The following ADAM9 variants were observed in gnomAD, a reference collection of about 807,000 sequenced individuals.
ADAM9 encodes ADAM metallopeptidase domain 9, also known as disintegrin and metalloproteinase domain-containing protein 9.
In ADAM9, 54 loss-of-function variants were observed where a neutral mutation model predicts 108.1. That is an observed-to-expected ratio of 0.50 (90% CI 0.40 to 0.63). ADAM9 has a LOEUF of 0.63. ADAM9 is among the 20% of genes least tolerant of loss of function. ADAM9 has a pLI of 0.00. For missense variants in ADAM9, 830 were observed against 997.7 expected, an observed-to-expected ratio of 0.83 and a Z score of 2.26; for synonymous variants, 316 against 336.0, an observed-to-expected ratio of 0.94 and a Z score of 0.65.
chr8:39,091,494 G>GT (rs758943615), intron 20 of ADAM9, 148 bp downstream of exon 20: 9 of 773,470 alleles, frequency 1.2e-5, no homozygotes, highest in Non-Finnish European at 1.8e-5. Context: ...TGAGTTTTTT[G>GT]TTTTTGTTTT....
At chr8:39,026,543 G>A in intron 10 of ADAM9, 134 bp from the exon 11 acceptor site, 2 of 1,097,632 alleles carry the variant, frequency 1.8e-6, no homozygotes, top group Non-Finnish European at 1.4e-6. Context: ...AAAGACTGTT[G>A]TTGGATGCTT....
At chr8:39,003,052 G>C (rs144869336) in intron 1 of ADAM9, among the ~76,000 whole-genome samples, 6 of 151,694 alleles carry the variant, frequency 4.0e-5, no homozygotes. Context: ...AATTTTGCAT[G>C]TTTTGTAGAG....
At chr8:39,098,313 A>G in intron 20 of ADAM9, among the ~76,000 whole-genome samples, 1 of 152,126 alleles carries the variant, frequency 6.6e-6, no homozygotes, top group East Asian at 1.9e-4. Context: ...GTTGATTTAC[A>G]TTTTTCAGTT....
At chr8:39,007,361 G>A (rs767055939) in intron 1 of ADAM9, among the ~76,000 whole-genome samples, 2 of 152,202 alleles carry the variant, frequency 1.3e-5, no homozygotes, top group Admixed American at 6.5e-5. Context: ...CTGGCACACT[G>A]GGGGTTAAAT....
Position 39,054,579 on chromosome 8 carries a change from G to A in ADAM9, c.1395+6G>A, listed in dbSNP as rs1838055650. On this transcript the variant is annotated splice_donor_region_variant and intron_variant, in intron 13 of 21. Coordinates refer to ENST00000487273, the MANE Select transcript of ADAM9 (RefSeq NM_003816.3). ...ACTGTTGTAAAGACTGTCGGGTAAG[G>A]AATTCCTCCCTTTTGGAAACAGGAA... 7.3e-7 allele frequency: 1 copy of A among 1,377,388 alleles called. No homozygotes were observed. Among genetic ancestry groups the A allele is most frequent in the South Asian group, 1.2e-5 (1 of 84,908 alleles). The allele number at this position is 1,377,388 out of a possible 1,614,324, so 85.3% of individuals were successfully genotyped here.
chr8:39,071,151 T>C (rs961690533), intron 14 of ADAM9, 147 bp from the exon 15 acceptor site: 4 of 638,932 alleles, frequency 6.3e-6, no homozygotes, highest in South Asian at 1.9e-5. Flanking sequence ...AAATGTATCA[T>C]GTGTGAGGCA....
At position 39,054,924 on chromosome 8, in the gene ADAM9, G is replaced by GT. The variant is rs915111377; in HGVS notation, c.1395+357dup. 1.1e-4 allele frequency among the ~76,000 whole-genome samples: 16 copies of GT among 152,072 alleles called. No individual in the cohort carries two copies. The South Asian group carries it at 2.3e-3, about 22-fold the overall frequency. ...GTTGATAATTTGTTAATATAATCAC[G>GT]TTTTTTCTATACAAATGTGAGTGTA... On this transcript the variant is annotated intron_variant, in intron 13 of 21. Coordinates refer to ENST00000487273, the MANE Select transcript of ADAM9 (RefSeq NM_003816.3).
chr8:39,045,225 T>TGTATATATGTGTATACATACATATAC (rs1564298844), intron 12 of ADAM9, among the ~76,000 whole-genome samples: 2 of 144,738 alleles, frequency 1.4e-5, no homozygotes. Flanking sequence ...CATACATATA[T>TGTATATATGTGTATACATACATATAC]GTGTATATAT....
intron 1 of ADAM9, among the ~76,000 whole-genome samples, chr8:39,002,369 GGT>G (rs1365028896): frequency 5.4e-5 from 8 of 147,642 alleles, no homozygotes; most frequent in Admixed American, 6.8e-5. Context: ...CCCAGACTGG[GGT>G]GCAGTGGCAC....
rs535170519 is a variant in ADAM9, at chr8:39,093,296, C to G, written c.2298+1950C>G. Among the ~76,000 whole-genome samples, 8 of 152,026 alleles carry G rather than the reference C, an allele frequency of 5.3e-5. No homozygotes were observed. In the East Asian group the frequency reaches 1.5e-3, roughly 29 times the overall value. On this transcript the variant is annotated intron_variant, in intron 20 of 21. Transcript: ENST00000487273. ...TTTCATAGATTTCCTTGTACAGATA[C>G]TTATTTTTTGTGGTTAAATTTATTC...
chr8:39,034,806 A>G (rs1837215599), intron 11 of ADAM9, among the ~76,000 whole-genome samples: 2 of 152,038 alleles, frequency 1.3e-5, no homozygotes, highest in African/African-American at 2.4e-5. Flanking sequence ...TTTTGTCTTT[A>G]AACTTTTTTT....
intron 15 of ADAM9, among the ~76,000 whole-genome samples, 199 bp downstream of exon 15, chr8:39,071,602 G>A (rs1838696118): frequency 6.6e-6 from 1 of 152,090 alleles, no homozygotes; most frequent in Non-Finnish European, 1.5e-5. Context: ...GAGTAGCTGG[G>A]ACTACAGGCA....
Position 39,090,100 on chromosome 8 carries a change from C to T in ADAM9, c.2122C>T (p.Pro708Ser). 6.2e-7 allele frequency: 1 copy of T among 1,613,748 alleles called. No individual in the cohort carries two copies. Among genetic ancestry groups the T allele is most frequent in the Non-Finnish European group, 8.5e-7 (1 of 1,179,870 alleles). Residue 708 changes from proline (P) to serine (S), a missense_variant, in exon 19 of 22, where the codon CCC becomes TCC. Transcript: ENST00000487273. ...GLLVFFFLIV[P>S]LIVCAIFIFI... is the part of the protein sequence containing the mutation. ...TCTGGTCTTCTTCTTCCTAATTGTT[C>T]CCCTTATTGTCTGTGCTATTTTTAT...
At chr8:39,061,891 C>A (rs1306360524) in intron 14 of ADAM9, among the ~76,000 whole-genome samples, 2 of 152,066 alleles carry the variant, frequency 1.3e-5, no homozygotes, top group East Asian at 3.9e-4. Context: ...CCATATCTGG[C>A]TGCTCTAACA....
intron 18 of ADAM9, among the ~76,000 whole-genome samples, chr8:39,085,728 T>A (rs1199430187): frequency 6.6e-6 from 1 of 152,216 alleles, no homozygotes; most frequent in Admixed American, 6.5e-5. Flanking sequence ...CGTATATGTC[T>A]TTTTCTAATC....
chr8:39,024,214 G>T (rs1322375036), intron 9 of ADAM9, among the ~76,000 whole-genome samples: 4 of 152,062 alleles, frequency 2.6e-5, no homozygotes, highest in African/African-American at 9.7e-5. Context: ...TGGTTCCCAG[G>T]CTTCTGAATT....
At chr8:39,079,848 G>A (rs1838965394) in intron 16 of ADAM9, among the ~76,000 whole-genome samples, 1 of 152,224 alleles carries the variant, frequency 6.6e-6, no homozygotes, top group Non-Finnish European at 1.5e-5. Context: ...GCCTCCAAAA[G>A]TGTTGGGATT....
intron 12 of ADAM9, among the ~76,000 whole-genome samples, chr8:39,045,155 T>TGTGC (rs1369185607): frequency 9.2e-6 from 1 of 108,560 alleles, no homozygotes; most frequent in Non-Finnish European, 2.2e-5. Context: ...TATATATGTG[T>TGTGC]ATACATACAT....
chr8:39,077,997 A>C (rs975879465), intron 16 of ADAM9, among the ~76,000 whole-genome samples: 1 of 152,168 alleles, frequency 6.6e-6, no homozygotes, highest in Non-Finnish European at 1.5e-5. Context: ...TGGCAGCCTT[A>C]AGCCATATAC....
Sources: allele counts gnomAD v4.1 joint callset (sites outside exome capture counted in the v4.1 genomes callset), GRCh38; gene constraint gnomAD v4.1.1; transcripts MANE v1.5; gene names NCBI Gene and HGNC (gene_info 2026-07-23, HGNC 2026-07-21).